The following SATB1 variants were observed in gnomAD, a reference collection of about 807,000 sequenced individuals.
SATB1 encodes the protein SATB homeobox 1.
Under a neutral mutation model 86.9 loss-of-function variants are expected in SATB1, and 11 were observed. The ratio of observed to expected loss-of-function variants is 0.13; its 90% confidence interval spans 0.08 to 0.21. SATB1 has a LOEUF of 0.21. Among genes scored for constraint, SATB1 ranks in the 10% least tolerant of loss-of-function variants. The pLI is 1.00. For missense variants in SATB1, 551 were observed against 937.6 expected, an observed-to-expected ratio of 0.59 and a Z score of 5.39; for synonymous variants, 357 against 357.2, an observed-to-expected ratio of 1.00 and a Z score of 0.01.
intron 9 of SATB1, among the ~76,000 whole-genome samples, chr3:18,376,108 A>G (rs1013250707): frequency 6.6e-6 from 1 of 152,164 alleles, no homozygotes; most frequent in African/African-American, 2.4e-5. Flanking sequence ...ATGGCTTAGA[A>G]CATCACCTAT....
intron 2 of SATB1, among the ~76,000 whole-genome samples, chr3:18,435,898 T>C (rs1336981176): frequency 6.6e-6 from 1 of 152,176 alleles, no homozygotes; most frequent in Non-Finnish European, 1.5e-5. Context: ...TGCATGATAA[T>C]GTAATAGGTC....
intron 8 of SATB1, among the ~76,000 whole-genome samples, chr3:18,383,114 T>C (rs1020245147): frequency 1.3e-5 from 2 of 152,218 alleles, no homozygotes; most frequent in African/African-American, 4.8e-5. Context: ...CAACCAGGTC[T>C]GGCCCAGAGC....
At chr3:18,372,875 C>A (rs1695545181) in intron 9 of SATB1, among the ~76,000 whole-genome samples, 1 of 152,048 alleles carries the variant, frequency 6.6e-6, no homozygotes, top group African/African-American at 2.4e-5. Context: ...ATATAGAACA[C>A]CTTAAATAAA....
rs145361574 is a variant in SATB1 at position 18,352,114 on chromosome 3, G to A, written c.1657C>T (p.Arg553Ter). The part of the protein sequence containing the change: ...RTLWENLSMI[R>*]RFLSLPQPER... The stretch of plus-strand genomic sequence containing the variant: ...GGCTGAGGAAGACTGAGGAACCTTC[G>A]GATCATGGAGAGGTTCTCCCACAGG... Residue 553 changes from arginine to a stop codon, truncating the protein, a stop_gained, in exon 10 of 11, where the codon CGA becomes TGA. Coordinates refer to ENST00000338745, the MANE Select transcript of SATB1 (RefSeq NM_002971.6). LOFTEE classifies it high-confidence loss of function. The surrounding 1 kb of genome is among the most constrained non-coding windows in gnomAD (Gnocchi z 4.1). 6.2e-7 allele frequency: 1 copy of A among 1,613,992 alleles called. No individual in the cohort carries two copies. Among genetic ancestry groups the A allele is most frequent in the Admixed American group, 1.7e-5 (1 of 60,002 alleles).
At chr3:18,417,535 C>G in intron 2 of SATB1, 1 of 613,350 alleles carries the variant, frequency 1.6e-6, no homozygotes, top group Non-Finnish European at 2.9e-6. Context: ...GGTTTGTGTC[C>G]AAACAAATTA....
chr3:18,428,902 G>A (rs1698800070), upstream of SATB1, among the ~76,000 whole-genome samples: 1 of 152,180 alleles, frequency 6.6e-6, no homozygotes, highest in Non-Finnish European at 1.5e-5. Flanking sequence ...AACAGAGAAA[G>A]CATTTAGAAT....
At chr3:18,410,410 T>A (rs1042913289) in intron 5 of SATB1, among the ~76,000 whole-genome samples, 3 of 152,008 alleles carry the variant, frequency 2.0e-5, no homozygotes, top group African/African-American at 7.2e-5. Context: ...GTCTCACCCT[T>A]GTGCTTCACC....
At chr3:18,440,935 A>G (rs1463355979), upstream of SATB1, among the ~76,000 whole-genome samples, 1 of 152,214 alleles carries the variant, frequency 6.6e-6, no homozygotes, top group Non-Finnish European at 1.5e-5. Flanking sequence ...TTGAAATATC[A>G]TAGAACTTAA....
chr3:18,351,936 T>A, intron 10 of SATB1, 56 bp downstream of exon 10: 1 of 1,549,258 alleles, frequency 6.5e-7, no homozygotes, highest in South Asian at 1.1e-5. Flanking sequence ...ATTTCCCTGC[T>A]AAGTTTAAAG....
intron 2 of SATB1, among the ~76,000 whole-genome samples, chr3:18,431,432 G>A (rs185366205): frequency 1.3e-5 from 2 of 152,268 alleles, no homozygotes; most frequent in Non-Finnish European, 2.9e-5. Context: ...GCATCTTGAA[G>A]GTTTACTCAT....
chr3:18,393,131 T>C (rs999325378), intron 7 of SATB1, among the ~76,000 whole-genome samples: 4 of 152,066 alleles, frequency 2.6e-5, no homozygotes, highest in African/African-American at 9.7e-5. Flanking sequence ...TAATACTAGA[T>C]TACTTCTGTA....
chr3:18,381,439 ACTT>A (rs541244184), intron 8 of SATB1, among the ~76,000 whole-genome samples: 225 of 152,286 alleles, frequency 1.5e-3, no homozygotes, highest in African/African-American at 5.2e-3. Context: ...ATGTATATTA[ACTT>A]CTTAACTTGC....
Position 18,399,870 on chromosome 3 carries a change from T to C in SATB1, c.640-2580A>G, listed in dbSNP as rs746833461. 6.6e-5 allele frequency among the ~76,000 whole-genome samples: 10 copies of C among 152,262 alleles called. No homozygotes were observed. The South Asian group carries it at 1.0e-3, about 16-fold the overall frequency. ...TTTTATTGGACAATATGCAATAATC[T>C]GTCCAATTAGATTGCTCCTATAGCC... On this transcript the variant is annotated intron_variant, in intron 5 of 10. Coordinates refer to ENST00000338745, the MANE Select transcript of SATB1 (RefSeq NM_002971.6).
chr3:18,369,756 G>A (rs1575101503), intron 9 of SATB1, among the ~76,000 whole-genome samples: 1 of 152,166 alleles, frequency 6.6e-6, no homozygotes, highest in East Asian at 1.9e-4. Flanking sequence ...TTATCCTGAG[G>A]AATAATATTT....
Position 18,349,626 on chromosome 3 carries a change from T to C in SATB1, c.1836A>G (p.Pro612=). The C allele has an allele frequency of 6.2e-7, 1 of 1,613,214 alleles. No individual in the cohort carries two copies. Among genetic ancestry groups the C allele is most frequent in the Non-Finnish European group, 8.5e-7 (1 of 1,179,902 alleles). Residue 612 remains proline (P), a synonymous_variant, in exon 11 of 11, where the codon CCA becomes CCG. Transcript: ENST00000338745. This position sits in a 1 kb window ranked among gnomAD's most constrained non-coding sequence, Gnocchi z 5.5. ...QQQQQQAPPP[P]QPQQQPQTGP... Reference sequence around the variant, plus strand: ...CTGTCTGTGGCTGCTGCTGTGGCTGTGGAGGCGGCGGTGCCTGCTGCTGCT... The same window carrying C: ...CTGTCTGTGGCTGCTGCTGTGGCTGCGGAGGCGGCGGTGCCTGCTGCTGCT...
In SATB1 at chr3:18,412,935, T is replaced by C. The variant is rs139717338; in HGVS notation, c.639+2176A>G. 1.3e-3 allele frequency among the ~76,000 whole-genome samples: 198 copies of C among 152,250 alleles called. 1 individual carries two copies. Among genetic ancestry groups the C allele is most frequent in the Non-Finnish European group, 2.1e-3 (144 of 67,986 alleles). On this transcript the variant is annotated intron_variant, in intron 5 of 10. Transcript: ENST00000338745. ...TACCTCATTTAGAGAACAATTTACA[T>C]GTTTTCATATTATTAAATATTAATT...
intron 8 of SATB1, among the ~76,000 whole-genome samples, chr3:18,378,911 AT>A (rs68095302): frequency 0.2 from 30,116 of 152,124 alleles, 3,676 homozygotes; most frequent in Non-Finnish European, 0.26. Flanking sequence ...CTTAATTATC[AT>A]AAAGGCTGGT....
intron 10 of SATB1, 74 bp downstream of exon 10, chr3:18,351,918 A>G: frequency 7.0e-7 from 1 of 1,428,942 alleles, no homozygotes; most frequent in Non-Finnish European, 9.8e-7. Flanking sequence ...GGAGGAAGAG[A>G]AACGCTAATT....
In SATB1 at chr3:18,347,573, ATATT is replaced by A; in HGVS notation, c.*1593_*1596del. On this transcript the variant is annotated 3_prime_UTR_variant, in exon 11 of 11. Transcript: ENST00000338745. ...TTGTTACTATTAATGGCCTTTAGAA[ATATT>A]TATACATTAGCTTAAGGAAAAGCAT... 1 of 152,300 alleles carries A rather than the reference ATATT, an allele frequency of 6.6e-6. No homozygotes were observed. The highest frequency in any genetic ancestry group is 2.1e-4 in the South Asian group (1 of 4,826). 9.4% of individuals were successfully genotyped at this position (152,300 alleles called of 1,614,324 possible).
Sources: gnomAD v4.1 joint callset for allele counts (sites outside exome capture counted in the v4.1 genomes callset) on GRCh38, gnomAD v4.1.1 for gene constraint, Gnocchi (gnomAD v3.1) non-coding constraint, MANE v1.5 for transcripts, NCBI Gene and HGNC (gene_info 2026-07-23, HGNC 2026-07-21) for gene names.